NUP93: variants seen among roughly 807,000 people sequenced by gnomAD.
NUP93 encodes nuclear pore complex protein Nup93.
Under a neutral mutation model 107.8 loss-of-function variants are expected in NUP93, and 55 were observed. That is an observed-to-expected ratio of 0.51 (90% confidence interval 0.41 to 0.64). NUP93 has a LOEUF of 0.64. NUP93 is among the 30% of genes least tolerant of loss of function. NUP93 has a pLI of 0.00. For synonymous variants in NUP93, 390 were observed against 397.5 expected (o/e 0.98, Z 0.22); for missense variants, 937 against 1,044.7 (o/e 0.90, Z 1.42).
intron 16 of NUP93, among the ~76,000 whole-genome samples, chr16:56,836,362 C>T (rs1462636497): frequency 6.6e-6 from 1 of 152,158 alleles, no homozygotes; most frequent in Non-Finnish European, 1.5e-5. Flanking sequence ...TTGCTGACTC[C>T]TCTGTGCTTC....
intron 18 of NUP93, 136 bp downstream of exon 18, chr16:56,837,862 A>G (rs1567413408): frequency 1.4e-5 from 9 of 635,652 alleles, no homozygotes; most frequent in East Asian, 2.7e-5. Flanking sequence ...CTAACTCACC[A>G]TGCCACCAGC....
At chr16:56,761,294 G>C (rs1472365620) in intron 3 of NUP93, among the ~76,000 whole-genome samples, 1 of 152,162 alleles carries the variant, frequency 6.6e-6, no homozygotes, top group East Asian at 1.9e-4. Flanking sequence ...ATCCTTCCCT[G>C]ACTTCTTGTT....
At chr16:56,762,034 C>T (rs1319909084) in intron 3 of NUP93, among the ~76,000 whole-genome samples, 8 of 152,134 alleles carry the variant, frequency 5.3e-5, no homozygotes, top group African/African-American at 1.9e-4. Context: ...AGAAGGCCTA[C>T]ATTTGTGTAA....
chr16:56,831,736 G>C, intron 10 of NUP93, 106 bp from the exon 11 acceptor site: 1 of 1,171,260 alleles, frequency 8.5e-7, no homozygotes, highest in Non-Finnish European at 1.2e-6. Context: ...CCCGGATGAA[G>C]GAAGGCTTCC....
At chr16:56,767,847 C>T (rs1282676937) in intron 3 of NUP93, among the ~76,000 whole-genome samples, 1 of 152,178 alleles carries the variant, frequency 6.6e-6, no homozygotes, top group Non-Finnish European at 1.5e-5. Context: ...TCCTAAACTG[C>T]CCCAGATGTC....
intron 16 of NUP93, among the ~76,000 whole-genome samples, chr16:56,836,372 C>CTAGTAAGT (rs1459995044): frequency 1.3e-5 from 2 of 152,178 alleles, no homozygotes; most frequent in Non-Finnish European, 2.9e-5. Context: ...CTCTGTGCTT[C>CTAGTAAGT]TAGTAAGTCT....
intron 1 of NUP93, among the ~76,000 whole-genome samples, chr16:56,739,715 C>T (rs1199988566): frequency 4.6e-5 from 6 of 131,632 alleles, no homozygotes; most frequent in African/African-American, 1.2e-4. Context: ...GCTGGCCGGG[C>T]GGGGGGCCGA....
rs535493392 is a variant in NUP93, at chr16:56,846,350, G to T, written c.*1741G>T. On this transcript the variant is annotated 3_prime_UTR_variant, in exon 22 of 22. Transcript: ENST00000308159. ...TTGAACCCGGGAGGCGAAGGTTGCA[G>T]TGATCTGAGATCATGCCACTGCACT... is the stretch of plus-strand genomic sequence containing the variant. 4 of 152,166 alleles carry T rather than the reference G, an allele frequency of 2.6e-5. No individual in the cohort carries two copies. Among genetic ancestry groups the T allele is most frequent in the African/African-American group, 4.8e-5 (2 of 41,494 alleles). The allele number at this position is 152,166 out of a possible 1,614,324, so 9.4% of individuals were successfully genotyped here.
At chr16:56,733,465 G>A (rs1961565360) in intron 1 of NUP93, among the ~76,000 whole-genome samples, 1 of 152,160 alleles carries the variant, frequency 6.6e-6, no homozygotes, top group South Asian at 2.1e-4. Context: ...GAGGTGAAAG[G>A]GGCGCTGGGG....
intron 5 of NUP93, among the ~76,000 whole-genome samples, chr16:56,808,557 A>T (rs1241415522): frequency 4.0e-5 from 5 of 124,814 alleles, no homozygotes; most frequent in African/African-American, 1.3e-4. Flanking sequence ...AATATATAAA[A>T]ATATATAAAT....
Position 56,823,688 on chromosome 16 carries a change from C to T in NUP93, c.655-19C>T, listed in dbSNP as rs747826620. 3.1e-6 allele frequency: 5 copies of T among 1,612,590 alleles called. 1 individual carries two copies. In the South Asian group the frequency reaches 5.5e-5, roughly 18 times the overall value. ...TCTGGCCCTGCAGCATTGTCACATGCAGTTTCATTTATGTGCAGAGCATTT... is the reference window on the plus strand; with the variant it reads ...TCTGGCCCTGCAGCATTGTCACATGTAGTTTCATTTATGTGCAGAGCATTT... On this transcript the variant is annotated intron_variant, in intron 7 of 21. Coordinates refer to ENST00000308159, the MANE Select transcript of NUP93 (RefSeq NM_014669.5).
chr16:56,817,832 G>A (rs1478968774), intron 5 of NUP93, among the ~76,000 whole-genome samples: 2 of 152,192 alleles, frequency 1.3e-5, no homozygotes, highest in Non-Finnish European at 2.9e-5. Flanking sequence ...GTACAGGTAT[G>A]TAGCCTAGGA....
In NUP93 at chr16:56,834,199, C is replaced by T. The variant is rs371707121; in HGVS notation, c.1609C>T (p.Arg537Trp). 44 of 1,614,058 alleles carry T rather than the reference C, an allele frequency of 2.7e-5. No homozygotes were observed. The highest frequency in any genetic ancestry group is 2.4e-5 in the Non-Finnish European group (28 of 1,180,040). Residue 537 changes from arginine (R) to tryptophan (W), a missense_variant, in exon 14 of 22, where the codon CGG (arginine) becomes TGG (tryptophan). Coordinates refer to ENST00000308159, the MANE Select transcript of NUP93 (RefSeq NM_014669.5). ...NFVRLLMLYTRKFESTDPREA... is the reference protein window; with the variant it reads ...NFVRLLMLYTWKFESTDPREA... ...CGTGCGGCTCCTCATGCTGTACACCCGGAAGTTTGAGTCCACGGACCCAAG... is the reference window on the plus strand; with the variant it reads ...CGTGCGGCTCCTCATGCTGTACACCTGGAAGTTTGAGTCCACGGACCCAAG...
At chr16:56,828,247 G>A (rs1963709981) in intron 8 of NUP93, among the ~76,000 whole-genome samples, 1 of 146,212 alleles carries the variant, frequency 6.8e-6, no homozygotes, top group Non-Finnish European at 1.5e-5. Flanking sequence ...AATAGTGGTA[G>A]AATTAATGGA....
chr16:56,833,337 G>C lies in NUP93; in HGVS notation c.1468G>C (p.Val490Leu). ...CATGGAGCGGCTGCGCTGCCATGCT[G>C]TCCATGTAGCACTGGTGCTGTTTGA... ...FRMERLRCHA[V>L]HVALVLFELK... Residue 490 changes from valine (V) to leucine (L), a missense_variant, in exon 13 of 22, where the codon GTC (valine) becomes CTC (leucine). By Grantham distance (32) the Val-to-Leu change is conservative. Coordinates refer to ENST00000308159, the MANE Select transcript of NUP93 (RefSeq NM_014669.5). 1 of 1,605,122 alleles carries C rather than the reference G, an allele frequency of 6.2e-7. No homozygotes were observed. Among genetic ancestry groups the C allele is most frequent in the Non-Finnish European group, 8.5e-7 (1 of 1,176,772 alleles).
chr16:56,837,796 C>G (rs1282928697), intron 18 of NUP93, 70 bp downstream of exon 18: 4 of 1,112,172 alleles, frequency 3.6e-6, no homozygotes, highest in Non-Finnish European at 5.4e-6. Flanking sequence ...TATGCCCACC[C>G]AAATGCATGT....
chr16:56,806,095 C>G (rs1344700064), intron 5 of NUP93, among the ~76,000 whole-genome samples: 1 of 149,544 alleles, frequency 6.7e-6, no homozygotes, highest in African/African-American at 2.5e-5. Flanking sequence ...ATTGCCCTCA[C>G]AGGCTAAATA....
chr16:56,806,034 T>A (rs1963130907), intron 5 of NUP93, among the ~76,000 whole-genome samples: 1 of 150,086 alleles, frequency 6.7e-6, no homozygotes, highest in African/African-American at 2.5e-5. Context: ...TTAATTTATC[T>A]AGCCAGTGTT....
At chr16:56,733,538 G>A (rs533251220) in intron 1 of NUP93, among the ~76,000 whole-genome samples, 5 of 152,236 alleles carry the variant, frequency 3.3e-5, no homozygotes, top group South Asian at 2.1e-4. Flanking sequence ...AAAGAGACTG[G>A]GAACCCACGA....
Sources: allele counts gnomAD v4.1 joint callset (sites outside exome capture counted in the v4.1 genomes callset), GRCh38; gene constraint gnomAD v4.1.1; transcripts MANE v1.5; gene names NCBI Gene and HGNC (gene_info 2026-07-23, HGNC 2026-07-21).